CACNA2D3: variants seen among roughly 807,000 people sequenced by gnomAD.
CACNA2D3 encodes the protein calcium voltage-gated channel auxiliary subunit alpha2delta 3.
Under a neutral mutation model 160.6 loss-of-function variants are expected in CACNA2D3, and 60 were observed. The ratio of observed to expected loss-of-function variants is 0.37; its 90% confidence interval spans 0.30 to 0.46. The LOEUF (loss-of-function observed/expected upper bound fraction) is 0.46, where lower values mean the gene tolerates loss of function less well. CACNA2D3 is among the 20% of genes least tolerant of loss of function. The pLI, the probability that CACNA2D3 is intolerant of heterozygous loss-of-function variation, is 1.00. For missense variants in CACNA2D3, 1,205 were observed against 1,365.0 expected (o/e 0.88, Z 1.85); for synonymous variants, 558 against 492.9 (o/e 1.13, Z -1.75).
At chr3:54,212,339 A>G (rs1213847570) in intron 2 of CACNA2D3, among the ~76,000 whole-genome samples, 1 of 152,166 alleles carries the variant, frequency 6.6e-6, no homozygotes, top group Admixed American at 6.5e-5. Flanking sequence ...GACAACTTGA[A>G]GTGGTGGCAG....
intron 2 of CACNA2D3, among the ~76,000 whole-genome samples, chr3:54,169,374 G>C (rs1700516750): frequency 6.6e-6 from 1 of 152,082 alleles, no homozygotes; most frequent in Admixed American, 6.6e-5. Flanking sequence ...CTGGGCTCCG[G>C]AGATTGAAAA....
intron 2 of CACNA2D3, among the ~76,000 whole-genome samples, chr3:54,233,002 G>T (rs772892231): frequency 1.3e-5 from 2 of 152,158 alleles, no homozygotes; most frequent in South Asian, 2.1e-4. Flanking sequence ...ATAGTTATAC[G>T]CAATAAGGTG....
intron 21 of CACNA2D3, among the ~76,000 whole-genome samples, chr3:54,884,650 A>G (rs968783638): frequency 1.3e-5 from 2 of 152,218 alleles, no homozygotes; most frequent in Non-Finnish European, 2.9e-5. Context: ...GGAACCTTCT[A>G]TTAAAACTCC....
chr3:54,449,690 C>T (rs1213564973), intron 4 of CACNA2D3, among the ~76,000 whole-genome samples: 1 of 152,100 alleles, frequency 6.6e-6, no homozygotes, highest in Non-Finnish European at 1.5e-5. Context: ...TGTGGCACCT[C>T]CACCTACCTT....
At chr3:54,912,753 A>G (rs902498508) in intron 27 of CACNA2D3, among the ~76,000 whole-genome samples, 1 of 152,032 alleles carries the variant, frequency 6.6e-6, no homozygotes, top group Non-Finnish European at 1.5e-5. Flanking sequence ...TCCCTCTGCT[A>G]GATGTTAAGT....
intron 8 of CACNA2D3, among the ~76,000 whole-genome samples, chr3:54,571,769 T>A (rs1702502712): frequency 6.6e-6 from 1 of 151,894 alleles, no homozygotes; most frequent in African/African-American, 2.4e-5. Flanking sequence ...AGAGCCTGGG[T>A]TTTGGAGTTG....
At chr3:54,410,415 C>T (rs1052212927) in intron 4 of CACNA2D3, among the ~76,000 whole-genome samples, 12 of 152,002 alleles carry the variant, frequency 7.9e-5, no homozygotes, top group Admixed American at 2.6e-4. Flanking sequence ...CTTCAAAGCT[C>T]GGGCTGACTC....
chr3:54,742,507 TG>T (rs1338692386), intron 11 of CACNA2D3, among the ~76,000 whole-genome samples: 1 of 152,176 alleles, frequency 6.6e-6, no homozygotes, highest in Admixed American at 6.5e-5. Context: ...ATTCTCAATA[TG>T]GGGGTATCCA....
At chr3:54,547,303 A>G (rs1040705921) in intron 5 of CACNA2D3, among the ~76,000 whole-genome samples, 4 of 152,126 alleles carry the variant, frequency 2.6e-5, no homozygotes, top group Non-Finnish European at 2.9e-5. Flanking sequence ...AGATCTTTGC[A>G]TGAAATTGGG....
At chr3:54,486,401 G>C (rs1701015967) in intron 4 of CACNA2D3, among the ~76,000 whole-genome samples, 5 of 152,248 alleles carry the variant, frequency 3.3e-5, no homozygotes, top group Non-Finnish European at 5.9e-5. Flanking sequence ...CAACCTAACT[G>C]CAAGTGTTCA....
intron 8 of CACNA2D3, among the ~76,000 whole-genome samples, chr3:54,581,376 G>C (rs776440377): frequency 1.3e-5 from 2 of 152,206 alleles, no homozygotes; most frequent in Non-Finnish European, 2.9e-5. Context: ...GTCCCCACTT[G>C]TGTAAGCCAC....
intron 11 of CACNA2D3, among the ~76,000 whole-genome samples, chr3:54,670,954 C>T (rs1001817155): frequency 3.3e-5 from 5 of 152,024 alleles, no homozygotes; most frequent in Admixed American, 1.3e-4. Flanking sequence ...GAGATGAAAG[C>T]CAAGTTAATA....
chr3:54,235,327 C>T (rs2107399062), intron 2 of CACNA2D3, among the ~76,000 whole-genome samples: 1 of 152,272 alleles, frequency 6.6e-6, no homozygotes, highest in African/African-American at 2.4e-5. Context: ...CACGGTTCCA[C>T]AGGCTGTGCA....
At chr3:54,633,124 G>A (rs1411625971) in intron 10 of CACNA2D3, among the ~76,000 whole-genome samples, 1 of 152,192 alleles carries the variant, frequency 6.6e-6, no homozygotes, top group Non-Finnish European at 1.5e-5. Context: ...TGACTGCCCT[G>A]TGACCCTGAA....
chr3:54,467,160 T>G (rs1700643322), intron 4 of CACNA2D3, among the ~76,000 whole-genome samples: 1 of 152,200 alleles, frequency 6.6e-6, no homozygotes, highest in Non-Finnish European at 1.5e-5. Flanking sequence ...GTCAGATGAT[T>G]TGTCTCCAGG....
chr3:54,146,899 G>T (rs909365082), intron 2 of CACNA2D3, among the ~76,000 whole-genome samples: 2 of 152,238 alleles, frequency 1.3e-5, no homozygotes, highest in African/African-American at 4.8e-5. Context: ...CAGGCTGCAC[G>T]CCTGCCCCTC....
intron 35 of CACNA2D3, among the ~76,000 whole-genome samples, chr3:55,059,437 A>G (rs73845263): frequency 0.026 from 3,922 of 152,274 alleles, 182 homozygotes; most frequent in African/African-American, 0.088. Context: ...AGGAAGTGCA[A>G]CAGGGGTGTG....
chr3:55,018,158 G>A, intron 34 of CACNA2D3, 48 bp from the exon 35 acceptor site: 1 of 1,204,942 alleles, frequency 8.3e-7, no homozygotes, highest in Non-Finnish European at 1.2e-6. Flanking sequence ...ACAATTTTGA[G>A]CCTGTGCCTT....
chr3:54,617,811 A>G (rs1381552511), intron 9 of CACNA2D3, among the ~76,000 whole-genome samples: 1 of 152,128 alleles, frequency 6.6e-6, no homozygotes. Context: ...AAGTAGAGCC[A>G]GGAGATACAA....
Sources: allele counts gnomAD v4.1 joint callset (sites outside exome capture counted in the v4.1 genomes callset), GRCh38; gene constraint gnomAD v4.1.1; transcripts MANE v1.5; gene names NCBI Gene and HGNC (gene_info 2026-07-23, HGNC 2026-07-21).